TRPC6: variants seen among roughly 807,000 people sequenced by gnomAD.
TRPC6 encodes transient receptor potential cation channel subfamily C member 6.
In TRPC6, 55 loss-of-function variants were observed where a neutral mutation model predicts 90.7. That is an observed-to-expected ratio of 0.61 (90% CI 0.49 to 0.76). The LOEUF (loss-of-function observed/expected upper bound fraction) is 0.76, where lower values mean the gene tolerates loss of function less well. TRPC6 is among the 30% of genes least tolerant of loss of function. The pLI is 0.00. For synonymous variants in TRPC6, 393 were observed against 393.0 expected (o/e 1.00, Z 0.00); for missense variants, 989 against 1,122.7 (o/e 0.88, Z 1.70).
At chr11:101,569,614 G>C (rs1861912898) in intron 1 of TRPC6, among the ~76,000 whole-genome samples, 1 of 152,032 alleles carries the variant, frequency 6.6e-6, no homozygotes, top group South Asian at 2.1e-4. Context: ...CCACATAATT[G>C]GAAGTAAAAC....
At chr11:101,543,678 C>T (rs1254611890) in intron 1 of TRPC6, among the ~76,000 whole-genome samples, 8 of 152,096 alleles carry the variant, frequency 5.3e-5, no homozygotes, top group African/African-American at 1.4e-4. Context: ...ACTGGCTAGC[C>T]ATATGCAGAA....
intron 1 of TRPC6, among the ~76,000 whole-genome samples, chr11:101,556,634 G>T (rs553144904): frequency 1.3e-5 from 2 of 152,242 alleles, no homozygotes; most frequent in South Asian, 4.1e-4. Flanking sequence ...ATTTAAAGAA[G>T]AAATAATACC....
Position 101,491,699 on chromosome 11 carries a change from C to G in TRPC6, c.985G>C (p.Val329Leu). 1 of 1,613,960 alleles carries G rather than the reference C, an allele frequency of 6.2e-7. No individual in the cohort carries two copies. The highest frequency in any genetic ancestry group is 8.5e-7 in the Non-Finnish European group (1 of 1,179,992). ...KKLSMQCKDF[V>L]VGLLDLCRNT... Reference sequence around the variant, plus strand: ...CTGCACAGATCAAGGAGTCCAACAACAAAGTCTTTGCACTGCATTGACAGT... The same window carrying G: ...CTGCACAGATCAAGGAGTCCAACAAGAAAGTCTTTGCACTGCATTGACAGT... Residue 329 changes from valine (V) to leucine (L), a missense_variant, in exon 3 of 13, where the codon GTT becomes CTT. Transcript: ENST00000344327.
intron 5 of TRPC6, among the ~76,000 whole-genome samples, chr11:101,476,910 C>G (rs149140017): frequency 2.0e-3 from 302 of 152,250 alleles, no homozygotes; most frequent in African/African-American, 7.1e-3. Flanking sequence ...GGAGTATTAT[C>G]AAGCCATTTA....
chr11:101,458,468 A>C (rs997242601), intron 10 of TRPC6, among the ~76,000 whole-genome samples: 1 of 152,312 alleles, frequency 6.6e-6, no homozygotes, highest in Admixed American at 6.5e-5. Context: ...TTATTCAAGA[A>C]GTTATCTGGC....
chr11:101,552,076 G>A (rs976471988), intron 1 of TRPC6, among the ~76,000 whole-genome samples: 4 of 152,018 alleles, frequency 2.6e-5, no homozygotes, highest in African/African-American at 4.8e-5. Context: ...AAACTATGGC[G>A]GGCCATCTTG....
At position 101,518,218 on chromosome 11, in the gene TRPC6, T is replaced by C. The variant is rs577619107; in HGVS notation, c.171-13420A>G. 5.3e-5 allele frequency among the ~76,000 whole-genome samples: 8 copies of C among 152,256 alleles called. 1 individual carries two copies. The South Asian group carries it at 1.7e-3, about 32-fold the overall frequency. On this transcript the variant is annotated intron_variant, in intron 1 of 12. Coordinates refer to ENST00000344327, the MANE Select transcript of TRPC6 (RefSeq NM_004621.6). ...CTTGCTTTTAAAGTAATCTCTCTTC[T>C]GCACAGCAAAGGACACAATCAATAA...
intron 1 of TRPC6, among the ~76,000 whole-genome samples, chr11:101,511,062 A>G (rs1860383584): frequency 6.6e-6 from 1 of 152,220 alleles, no homozygotes; most frequent in Non-Finnish European, 1.5e-5. Flanking sequence ...CTAGGAAAGT[A>G]GAAATAAAAG....
chr11:101,549,486 C>G lies in TRPC6; in HGVS notation c.170+33848G>C, dbSNP rs72974341. 4.1e-3 allele frequency among the ~76,000 whole-genome samples: 619 copies of G among 151,596 alleles called. 3 individuals are homozygous for G. Among genetic ancestry groups the G allele is most frequent in the Non-Finnish European group, 6.8e-3 (457 of 67,692 alleles). On this transcript the variant is annotated intron_variant, in intron 1 of 12. Coordinates refer to ENST00000344327, the MANE Select transcript of TRPC6 (RefSeq NM_004621.6). The stretch of plus-strand genomic sequence containing the variant: ...AAGTCAACATTTATCAGATCTTATA[C>G]TGGTAGTTACCAACTTTGATGAGTT...
chr11:101,503,039 C>CA (rs1761118075), intron 2 of TRPC6, among the ~76,000 whole-genome samples: 1 of 152,154 alleles, frequency 6.6e-6, no homozygotes, highest in Admixed American at 6.5e-5. Context: ...TTCCAACCTG[C>CA]ATTATTTAGT....
intron 1 of TRPC6, among the ~76,000 whole-genome samples, chr11:101,565,242 G>C (rs1249029726): frequency 6.6e-6 from 1 of 151,894 alleles, no homozygotes; most frequent in Admixed American, 6.6e-5. Context: ...GCACAGCAAA[G>C]AAAACAATCA....
At chr11:101,569,219 T>C (rs1591145291) in intron 1 of TRPC6, among the ~76,000 whole-genome samples, 1 of 149,606 alleles carries the variant, frequency 6.7e-6, no homozygotes, top group Non-Finnish European at 1.5e-5. Context: ...GTTGCAGTCC[T>C]AGCCTCTGAA....
At position 101,555,379 on chromosome 11, in the gene TRPC6, A is replaced by G. The variant is rs183310662; in HGVS notation, c.170+27955T>C. 5.7e-3 allele frequency among the ~76,000 whole-genome samples: 861 copies of G among 152,208 alleles called. 6 individuals are homozygous for G. The highest frequency in any genetic ancestry group is 0.019 in the African/African-American group (805 of 41,536). On this transcript the variant is annotated intron_variant, in intron 1 of 12. Coordinates refer to ENST00000344327, the MANE Select transcript of TRPC6 (RefSeq NM_004621.6). Reference sequence around the variant, plus strand: ...GGACTTCTATTATTTAACAACGACCACCAAAAGGCTTCCTTTTCCTGTCTA... The same window carrying G: ...GGACTTCTATTATTTAACAACGACCGCCAAAAGGCTTCCTTTTCCTGTCTA...
At chr11:101,579,135 T>A (rs1391753067) in intron 1 of TRPC6, among the ~76,000 whole-genome samples, 3 of 152,180 alleles carry the variant, frequency 2.0e-5, no homozygotes, top group Non-Finnish European at 4.4e-5. Context: ...CTCTTAACGA[T>A]GTTCATACAA....
At chr11:101,514,361 C>G (rs1195009304) in intron 1 of TRPC6, among the ~76,000 whole-genome samples, 2 of 152,172 alleles carry the variant, frequency 1.3e-5, no homozygotes, top group African/African-American at 4.8e-5. Context: ...GATTAGCGAA[C>G]AGTTTTCAAC....
At chr11:101,507,042 CACACACACAG>C (rs1860289480) in intron 1 of TRPC6, among the ~76,000 whole-genome samples, 3 of 150,668 alleles carry the variant, frequency 2.0e-5, no homozygotes, top group African/African-American at 7.4e-5. Flanking sequence ...CACACACACA[CACACACACAG>C]ACCCCCTTCA....
intron 10 of TRPC6, among the ~76,000 whole-genome samples, chr11:101,456,773 T>C (rs1263421549): frequency 1.3e-5 from 2 of 152,158 alleles, no homozygotes; most frequent in African/African-American, 4.8e-5. Flanking sequence ...TTAAATGGCA[T>C]AAAACTAAAT....
intron 1 of TRPC6, among the ~76,000 whole-genome samples, chr11:101,568,181 T>C (rs1002441953): frequency 6.6e-6 from 1 of 152,120 alleles, no homozygotes; most frequent in African/African-American, 2.4e-5. Flanking sequence ...ATAAATGACC[T>C]GATGGAGCTG....
chr11:101,512,088 ACCCATCTT>A (rs1478283158), intron 1 of TRPC6, among the ~76,000 whole-genome samples: 1 of 152,150 alleles, frequency 6.6e-6, no homozygotes, highest in East Asian at 1.9e-4. Context: ...GAGAGTGAGC[ACCCATCTT>A]CACAGTGAAC....
Sources: gnomAD v4.1 joint callset for allele counts (sites outside exome capture counted in the v4.1 genomes callset) on GRCh38, gnomAD v4.1.1 for gene constraint, MANE v1.5 for transcripts, NCBI Gene and HGNC (gene_info 2026-07-23, HGNC 2026-07-21) for gene names.